The following PIEZO1 variants were observed in gnomAD, a reference collection of about 807,000 sequenced individuals.
PIEZO1 encodes the protein piezo type mechanosensitive ion channel component 1 (Er blood group), also known as piezo-type mechanosensitive ion channel component 1.
In PIEZO1, 296 loss-of-function variants were observed where a neutral mutation model predicts 297.2. That is an observed-to-expected ratio of 1.00 (90% CI 0.91 to 1.10). PIEZO1 has a LOEUF of 1.10. PIEZO1 is among the 50% of genes least tolerant of loss of function. The probability of loss-of-function intolerance (pLI) is 0.00; values close to 1 mark genes in which losing one functional copy is unlikely to be tolerated. For missense variants in PIEZO1, 5,018 were observed against 3,455.5 expected (o/e 1.45, Z -11.34); for synonymous variants, 2,427 against 1,507.5 (o/e 1.61, Z -14.13).
chr16:88,718,385 C>G (rs1047401751), intron 44 of PIEZO1: 2 of 152,752 alleles, frequency 1.3e-5, no homozygotes, highest in African/African-American at 2.4e-5. Flanking sequence ...GCCACAGGAC[C>G]AGGGGCACGG....
intron 1 of PIEZO1, among the ~76,000 whole-genome samples, chr16:88,769,260 C>G (rs1464837121): frequency 6.6e-6 from 1 of 152,190 alleles, no homozygotes; most frequent in Non-Finnish European, 1.5e-5. Flanking sequence ...CTATGTTACC[C>G]AGGCTGCTCT....
rs1373542855 is a variant in PIEZO1 at position 88,726,359 on chromosome 16, T to TGCA, written c.3890_3892dup (p.Leu1297dup). 6.5e-7 allele frequency: 1 copy of TGCA among 1,550,372 alleles called. No individual in the cohort carries two copies. The highest frequency in any genetic ancestry group is 8.7e-7 in the Non-Finnish European group (1 of 1,146,906). Reference sequence around the variant, plus strand: ...GTAATGGCTAAGGAAGACGCGGCGCTGCAGCAGCAGGAAGAAGAAGCAGAC... The same window carrying TGCA: ...GTAATGGCTAAGGAAGACGCGGCGCTGCAGCAGCAGCAGGAAGAAGAAGCAGAC... On this transcript the variant is annotated inframe_insertion, in exon 27 of 51. Coordinates refer to ENST00000301015, the MANE Select transcript of PIEZO1 (RefSeq NM_001142864.4).
At chr16:88,723,774 C>G (rs1230251732) in intron 31 of PIEZO1, 97 bp downstream of exon 31, 3 of 688,820 alleles carry the variant, frequency 4.4e-6, no homozygotes, top group Non-Finnish European at 7.6e-6. Context: ...AGCTCGGCTC[C>G]CAGGCCCTGG....
At chr16:88,760,065 C>T (rs1354690640) in intron 1 of PIEZO1, among the ~76,000 whole-genome samples, 1 of 152,234 alleles carries the variant, frequency 6.6e-6, no homozygotes, top group Non-Finnish European at 1.5e-5. Flanking sequence ...GGACGTGACA[C>T]CTGGTCCACG....
chr16:88,728,365 G>C (rs531186660), intron 22 of PIEZO1, among the ~76,000 whole-genome samples: 1 of 152,356 alleles, frequency 6.6e-6, no homozygotes, highest in South Asian at 2.1e-4. Flanking sequence ...ATCTGCCACA[G>C]AGGGAACCTC....
At position 88,722,435 on chromosome 16, in the gene PIEZO1, A is replaced by G. The variant is rs560358715; in HGVS notation, c.4776-38T>C. 9.0e-5 allele frequency: 132 copies of G among 1,472,808 alleles called. No homozygotes were observed. In the African/African-American group the frequency reaches 1.7e-3, roughly 19 times the overall value. 91.2% of individuals were successfully genotyped at this position (1,472,808 alleles called of 1,614,324 possible). A position where few individuals can be genotyped will look rare whatever the true frequency, so the allele number is the denominator to read the frequency against. ...GCCGAGTCACAGAGAATCCTGCTCTATGGCCTGACCCCAGGCTACAGGGAG... is the reference window on the plus strand; with the variant it reads ...GCCGAGTCACAGAGAATCCTGCTCTGTGGCCTGACCCCAGGCTACAGGGAG... On this transcript the variant is annotated intron_variant, in intron 35 of 50. Coordinates refer to ENST00000301015, the MANE Select transcript of PIEZO1 (RefSeq NM_001142864.4).
intron 44 of PIEZO1, chr16:88,719,317 C>A (rs555060946): frequency 3.9e-6 from 2 of 508,236 alleles, no homozygotes; most frequent in Non-Finnish European, 7.1e-6. Flanking sequence ...CCTCCCTGCA[C>A]CAGGCCCTGC....
Position 88,735,143 on chromosome 16 carries a change from G to C in PIEZO1, c.1661C>G (p.Ala554Gly). 2 of 1,549,774 alleles carry C rather than the reference G, an allele frequency of 1.3e-6. No individual in the cohort carries two copies. Among genetic ancestry groups the C allele is most frequent in the South Asian group, 1.2e-5 (1 of 84,060 alleles). The change falls in exon 13 of 51, where the codon GCA becomes GGA. Residue 554 changes from alanine (A) to glycine (G), a missense_variant. Physicochemically the swap from Ala to Gly is moderately conservative, Grantham distance 60. Coordinates refer to ENST00000301015, the MANE Select transcript of PIEZO1 (RefSeq NM_001142864.4). ...SPAALTEVTV[A>G]DTEPTRTQTL... Reference sequence around the variant, plus strand: ...TCTGGCCCACCACTCACCTGTGTCTGCCACGGTGACCTCCGTCAGCGCAGC... The same window carrying C: ...TCTGGCCCACCACTCACCTGTGTCTCCCACGGTGACCTCCGTCAGCGCAGC...
At chr16:88,734,162 G>A (rs1905057157) in intron 16 of PIEZO1, 108 bp from the exon 17 acceptor site, 3 of 1,382,368 alleles carry the variant, frequency 2.2e-6, no homozygotes, top group South Asian at 2.9e-5. Flanking sequence ...TGCCAGTTCA[G>A]GTGCACAGCT....
rs59446030 is a variant in PIEZO1 at position 88,733,964 on chromosome 16, G to GTCCTCC, written c.2265_2270dup (p.Glu755_Glu756dup). 979 of 1,523,338 alleles carry GTCCTCC rather than the reference G, an allele frequency of 6.4e-4. 1 individual carries two copies. Among genetic ancestry groups the GTCCTCC allele is most frequent in the East Asian group, 3.2e-4 (13 of 40,526 alleles). 94.4% of individuals were successfully genotyped at this position (1,523,338 alleles called of 1,614,324 possible). ...CCACGCCCAGCCCCTCGTCCCTGGA[G>GTCCTCC]TCCTCCTCCTCCTCCTCCTCCTCCT... On this transcript the variant is annotated inframe_insertion, in exon 17 of 51. Transcript: ENST00000301015.
intron 1 of PIEZO1, among the ~76,000 whole-genome samples, chr16:88,776,194 G>C (rs1361932700): frequency 6.6e-6 from 1 of 152,242 alleles, no homozygotes; most frequent in African/African-American, 2.4e-5. Context: ...CAGCATTCTG[G>C]GAGGCCGAGG....
chr16:88,738,851 T>G (rs902644261), intron 5 of PIEZO1, 115 bp from the exon 6 acceptor site: 4 of 940,886 alleles, frequency 4.3e-6, no homozygotes, highest in African/African-American at 1.6e-5. Flanking sequence ...GCTGCTCCTC[T>G]GAGGGCCACA....
chr16:88,779,812 AC>A (rs992897626), intron 1 of PIEZO1, among the ~76,000 whole-genome samples: 2 of 151,796 alleles, frequency 1.3e-5, no homozygotes, highest in African/African-American at 4.8e-5. Context: ...GGCCCGACGG[AC>A]CCCCGGCCAC....
chr16:88,748,022 G>C (rs1049150578), intron 2 of PIEZO1, among the ~76,000 whole-genome samples: 1 of 152,240 alleles, frequency 6.6e-6, no homozygotes, highest in Admixed American at 6.5e-5. Flanking sequence ...CTGCCAGCCT[G>C]ATGCGTCCAG....
Position 88,726,462 on chromosome 16 carries a change from G to C in PIEZO1, c.3797-7C>G, listed in dbSNP as rs757977052. 7 of 1,549,112 alleles carry C rather than the reference G, an allele frequency of 4.5e-6. No individual in the cohort carries two copies. The South Asian group carries it at 8.3e-5, about 18-fold the overall frequency. On this transcript the variant is annotated splice_polypyrimidine_tract_variant and splice_region_variant and intron_variant, in intron 26 of 50. Coordinates refer to ENST00000301015, the MANE Select transcript of PIEZO1 (RefSeq NM_001142864.4). ...CTGTCCATCATCTCCTTGGCTGCAA[G>C]GCAGGCACCGGCAAGGGTCAGGCCC...
Position 88,733,337 on chromosome 16 carries a change from TACAC to T in PIEZO1, c.2601_2604del (p.Cys868ArgfsTer133). Reference sequence around the variant, plus strand: ...ACAACCTTGAGCTGGTACAGCATCTTACACACGATGATGACGCAGGTCCACACGG... The same window carrying T: ...ACAACCTTGAGCTGGTACAGCATCTTACGATGATGACGCAGGTCCACACGG... On this transcript the variant is annotated frameshift_variant, in exon 19 of 51. Transcript: ENST00000301015. LOFTEE classifies it high-confidence loss of function. The T allele has an allele frequency of 6.5e-7, 1 of 1,550,206 alleles. No homozygotes were observed. Among genetic ancestry groups the T allele is most frequent in the Non-Finnish European group, 8.7e-7 (1 of 1,146,824 alleles).
At chr16:88,751,390 C>T (rs939796103) in intron 1 of PIEZO1, among the ~76,000 whole-genome samples, 1 of 152,222 alleles carries the variant, frequency 6.6e-6, no homozygotes, top group African/African-American at 2.4e-5. Context: ...CCCCTCCCTT[C>T]CCACTCTCAA....
intron 1 of PIEZO1, 136 bp from the exon 2 acceptor site, chr16:88,749,615 G>GT: frequency 1.5e-6 from 1 of 652,092 alleles, no homozygotes; most frequent in East Asian, 3.3e-5. Context: ...AGCCAGAGCC[G>GT]TGGAAGCCGC....
chr16:88,752,271 C>T (rs1906428395), intron 1 of PIEZO1, among the ~76,000 whole-genome samples: 1 of 152,106 alleles, frequency 6.6e-6, no homozygotes, highest in South Asian at 2.1e-4. Context: ...TCACTTGAGC[C>T]CAGGAGTTCG....
Sources: gnomAD v4.1 joint callset for allele counts (sites outside exome capture counted in the v4.1 genomes callset) on GRCh38, gnomAD v4.1.1 for gene constraint, MANE v1.5 for transcripts, NCBI Gene and HGNC (gene_info 2026-07-23, HGNC 2026-07-21) for gene names.